OSCP1: variants seen among roughly 807,000 people sequenced by gnomAD.
The protein encoded by OSCP1 is organic solute carrier partner 1, also known as protein OSCP1.
Under a neutral mutation model 45.1 loss-of-function variants are expected in OSCP1, and 35 were observed. That is an observed-to-expected ratio of 0.78 (90% CI 0.59 to 1.03). The LOEUF is 1.03. Among genes scored for constraint, OSCP1 ranks in the 50% least tolerant of loss-of-function variants. OSCP1 has a pLI of 0.00. For synonymous variants in OSCP1, 179 were observed against 180.1 expected, an observed-to-expected ratio of 0.99 and a Z score of 0.05; for missense variants, 400 against 470.7, an observed-to-expected ratio of 0.85 and a Z score of 1.39.
chr1:36,436,308 C>T (rs1055817890), intron 2 of OSCP1, among the ~76,000 whole-genome samples: 12 of 151,026 alleles, frequency 7.9e-5, no homozygotes, highest in Admixed American at 3.3e-4. Context: ...GACGAGATTT[C>T]ACCATGTTAG....
chr1:36,418,284 A>T (rs116485261), intron 9 of OSCP1, 29 bp from the exon 10 acceptor site: 1 of 1,608,968 alleles, frequency 6.2e-7, no homozygotes, highest in Non-Finnish European at 8.5e-7. Context: ...GTAAAAGGGC[A>T]TGAAGAGGCT....
chr1:36,438,939 G>T (rs544957357), intron 1 of OSCP1, 29 bp from the exon 2 acceptor site: 10 of 1,609,180 alleles, frequency 6.2e-6, no homozygotes, highest in Admixed American at 1.7e-5. Flanking sequence ...ACACAGCTGA[G>T]CAAAGTACTG....
chr1:36,442,204 C>G (rs1027895403), intron 1 of OSCP1, among the ~76,000 whole-genome samples: 2 of 142,824 alleles, frequency 1.4e-5, no homozygotes, highest in African/African-American at 2.6e-5. Flanking sequence ...CCAGCCTGGG[C>G]AACAAGAGCG....
chr1:36,432,296 T>A (rs1648417409), intron 3 of OSCP1, 126 bp downstream of exon 3: 1 of 1,163,872 alleles, frequency 8.6e-7, no homozygotes, highest in Non-Finnish European at 1.2e-6. Context: ...TTTCAGAATG[T>A]TCTGGGAGAG....
At chr1:36,437,923 C>T (rs923418254) in intron 2 of OSCP1, among the ~76,000 whole-genome samples, 3 of 152,134 alleles carry the variant, frequency 2.0e-5, no homozygotes, top group Admixed American at 6.5e-5. Context: ...ACCTGTAATC[C>T]TAGCACTTTG....
intron 4 of OSCP1, among the ~76,000 whole-genome samples, chr1:36,424,695 C>T (rs990003412): frequency 6.6e-5 from 10 of 152,190 alleles, no homozygotes; most frequent in Non-Finnish European, 1.5e-4. Flanking sequence ...ACACTTATTC[C>T]TTCTCCTGGG....
At chr1:36,430,581 G>GA (rs1164508136) in intron 4 of OSCP1, among the ~76,000 whole-genome samples, 1 of 151,984 alleles carries the variant, frequency 6.6e-6, no homozygotes, top group Non-Finnish European at 1.5e-5. Flanking sequence ...ACCAGCCTGG[G>GA]AAACATAGTA....
At chr1:36,438,317 CAA>C (rs35430845) in intron 2 of OSCP1, among the ~76,000 whole-genome samples, 61 of 73,784 alleles carry the variant, frequency 8.3e-4, no homozygotes, top group South Asian at 2.6e-3. Context: ...AACTCCATCT[CAA>C]AAAAAAAAAA....
At chr1:36,421,070 A>G (rs1647591353) in intron 7 of OSCP1, among the ~76,000 whole-genome samples, 1 of 151,366 alleles carries the variant, frequency 6.6e-6, no homozygotes, top group African/African-American at 2.4e-5. Context: ...CTCATCCTGT[A>G]CCCCTCTTCC....
intron 2 of OSCP1, among the ~76,000 whole-genome samples, chr1:36,436,475 A>C (rs1372660362): frequency 6.6e-6 from 1 of 151,930 alleles, no homozygotes; most frequent in African/African-American, 2.4e-5. Flanking sequence ...TCCTGGGCTC[A>C]AGCGATCCTC....
At chr1:36,443,606 T>C (rs1649330252) in intron 1 of OSCP1, among the ~76,000 whole-genome samples, 1 of 152,194 alleles carries the variant, frequency 6.6e-6, no homozygotes, top group Admixed American at 6.5e-5. Context: ...GGAGAATGGC[T>C]CAGGGAGGGT....
chr1:36,424,180 A>G (rs948212230), intron 4 of OSCP1, among the ~76,000 whole-genome samples: 1 of 152,144 alleles, frequency 6.6e-6, no homozygotes, highest in African/African-American at 2.4e-5. Flanking sequence ...AGCCCAAGTG[A>G]TCTGCCTGCC....
intron 4 of OSCP1, among the ~76,000 whole-genome samples, chr1:36,425,691 T>A (rs1011252909): frequency 6.7e-6 from 1 of 149,712 alleles, no homozygotes; most frequent in African/African-American, 2.5e-5. Flanking sequence ...TGAGACCTTG[T>A]CACTGTATTC....
chr1:36,438,750 G>T lies in OSCP1; in HGVS notation c.267+6C>A. On this transcript the variant is annotated splice_donor_region_variant and intron_variant, in intron 2 of 9. Coordinates refer to ENST00000235532, the MANE Select transcript of OSCP1 (RefSeq NM_145047.5). ...ACCAAGATGACAAAGGCAGCTGTCT[G>T]CTCACCTTATCCATGCTGGCCTGGT... is the stretch of plus-strand genomic sequence containing the variant. 1 of 1,594,624 alleles carries T rather than the reference G, an allele frequency of 6.3e-7. No individual in the cohort carries two copies. Among genetic ancestry groups the T allele is most frequent in the Non-Finnish European group, 8.5e-7 (1 of 1,171,536 alleles).
intron 4 of OSCP1, 138 bp downstream of exon 4, chr1:36,431,664 C>T: frequency 1.5e-6 from 1 of 654,812 alleles, no homozygotes; most frequent in East Asian, 2.8e-5. Flanking sequence ...TTATCAATAT[C>T]TTTATCATTA....
intron 4 of OSCP1, among the ~76,000 whole-genome samples, chr1:36,431,339 G>C (rs1648351990): frequency 6.6e-6 from 1 of 152,078 alleles, no homozygotes; most frequent in African/African-American, 2.4e-5. Flanking sequence ...GGCGGGAGAG[G>C]AAGGAGTAAG....
intron 4 of OSCP1, among the ~76,000 whole-genome samples, chr1:36,430,098 A>C (rs1308763169): frequency 1.3e-5 from 2 of 150,962 alleles, no homozygotes; most frequent in African/African-American, 4.9e-5. Flanking sequence ...CGCCCAGCCT[A>C]GTAGCATGAT....
At chr1:36,431,689 G>T in intron 4 of OSCP1, 113 bp downstream of exon 4, 2 of 888,598 alleles carry the variant, frequency 2.3e-6, no homozygotes, top group African/African-American at 1.7e-5. Context: ...GGCAAACCCT[G>T]AGGACATCAC....
chr1:36,420,343 T>C, intron 8 of OSCP1, 133 bp downstream of exon 8: 1 of 1,150,908 alleles, frequency 8.7e-7, no homozygotes, highest in South Asian at 1.6e-5. Context: ...TTTAGATTAT[T>C]AAATTTGTTG....
Sources: allele counts gnomAD v4.1 joint callset (sites outside exome capture counted in the v4.1 genomes callset), GRCh38; gene constraint gnomAD v4.1.1; transcripts MANE v1.5; gene names NCBI Gene and HGNC (gene_info 2026-07-23, HGNC 2026-07-21).